Variants in CPQ observed in about 807,000 individuals in gnomAD.
The protein encoded by CPQ is Ser-Met dipeptidase.
CPQ carries 37 observed loss-of-function variants against 45.7 expected under a neutral mutation model. The ratio of observed to expected loss-of-function variants is 0.81; its 90% CI spans 0.62 to 1.07. The LOEUF is 1.07. CPQ is among the 50% of genes least tolerant of loss of function. CPQ has a pLI of 0.00. For missense variants in CPQ, 537 were observed against 572.9 expected (o/e 0.94, Z 0.64); for synonymous variants, 186 against 205.8 (o/e 0.90, Z 0.82).
intron 3 of CPQ, among the ~76,000 whole-genome samples, chr8:96,839,290 G>C (rs1037170546): frequency 2.0e-5 from 3 of 152,050 alleles, no homozygotes; most frequent in Non-Finnish European, 4.4e-5. Flanking sequence ...CTTGTTGTCA[G>C]CATCGTCTCC....
At chr8:96,739,894 G>A (rs1199346581) in intron 1 of CPQ, among the ~76,000 whole-genome samples, 1 of 152,130 alleles carries the variant, frequency 6.6e-6, no homozygotes, top group Non-Finnish European at 1.5e-5. Context: ...GTCAGGTAGT[G>A]TGATGCCTCC....
intron 5 of CPQ, among the ~76,000 whole-genome samples, chr8:96,972,598 A>G (rs1586474487): frequency 1.3e-5 from 2 of 152,160 alleles, no homozygotes; most frequent in African/African-American, 4.8e-5. Flanking sequence ...CACTCTAAAC[A>G]AAAACACAAC....
intron 7 of CPQ, among the ~76,000 whole-genome samples, chr8:97,142,503 A>T (rs892068440): frequency 2.0e-5 from 3 of 152,264 alleles, no homozygotes; most frequent in Admixed American, 1.3e-4. Flanking sequence ...TTTTGTAACC[A>T]GGAAGGTACA....
chr8:96,988,314 C>A (rs1337418964), intron 5 of CPQ, among the ~76,000 whole-genome samples: 1 of 152,098 alleles, frequency 6.6e-6, no homozygotes, highest in Admixed American at 6.6e-5. Context: ...TTTACAGAAG[C>A]CTTATTTCTA....
intron 1 of CPQ, among the ~76,000 whole-genome samples, chr8:96,745,124 A>G (rs1404817729): frequency 6.6e-6 from 1 of 152,158 alleles, no homozygotes; most frequent in East Asian, 1.9e-4. Flanking sequence ...CCTGACCAAC[A>G]TGGTGAAATC....
At chr8:97,080,975 G>C (rs1390258614) in intron 7 of CPQ, among the ~76,000 whole-genome samples, 1 of 76,476 alleles carries the variant, frequency 1.3e-5, no homozygotes, top group Non-Finnish European at 3.1e-5. Context: ...TTTTGTAATA[G>C]CTTGAATAGT....
intron 7 of CPQ, among the ~76,000 whole-genome samples, chr8:97,099,265 G>A (rs1251712534): frequency 6.6e-6 from 1 of 151,292 alleles, no homozygotes; most frequent in Non-Finnish European, 1.5e-5. Flanking sequence ...TGAGTAACTG[G>A]GACTACAGGC....
At chr8:96,912,134 T>C (rs1426857308) in intron 4 of CPQ, among the ~76,000 whole-genome samples, 1 of 152,250 alleles carries the variant, frequency 6.6e-6, no homozygotes, top group Non-Finnish European at 1.5e-5. Context: ...TGTGATGTTT[T>C]TCTCTTATTA....
intron 2 of CPQ, 45 bp from the exon 3 acceptor site, chr8:96,834,928 C>A: frequency 6.4e-7 from 1 of 1,560,864 alleles, no homozygotes. Context: ...TTCAACCCAG[C>A]TGATGGGAAA....
chr8:96,857,054 T>G (rs1454607710), intron 3 of CPQ, among the ~76,000 whole-genome samples: 6 of 152,172 alleles, frequency 3.9e-5, no homozygotes, highest in Non-Finnish European at 1.5e-5. Context: ...TTGTGTAGGT[T>G]GACAATGCCT....
intron 6 of CPQ, among the ~76,000 whole-genome samples, chr8:97,053,440 T>C (rs1810398007): frequency 6.6e-6 from 1 of 152,140 alleles, no homozygotes; most frequent in Non-Finnish European, 1.5e-5. Context: ...GGTGGTAATA[T>C]TTGGTTAAGA....
intron 7 of CPQ, among the ~76,000 whole-genome samples, chr8:97,087,267 A>G (rs1456393103): frequency 5.3e-5 from 8 of 152,168 alleles, no homozygotes; most frequent in Non-Finnish European, 1.5e-5. Context: ...TCCAATATCT[A>G]TGATAATGGA....
chr8:97,006,571 A>G (rs1586490902), intron 5 of CPQ, among the ~76,000 whole-genome samples: 1 of 152,242 alleles, frequency 6.6e-6, no homozygotes, highest in African/African-American at 2.4e-5. Flanking sequence ...CCAAATTGCA[A>G]ATCAGCCAAA....
At chr8:96,954,957 A>G (rs866709264) in intron 4 of CPQ, among the ~76,000 whole-genome samples, 34 of 152,306 alleles carry the variant, frequency 2.2e-4, no homozygotes, top group Middle Eastern at 3.4e-3. Context: ...ATAGTATTCC[A>G]TGATGTATAT....
rs117850174 is a variant in CPQ, at chr8:96,827,509, C to G, written c.434-7464C>G. Among the ~76,000 whole-genome samples, 128 of 152,240 alleles carry G rather than the reference C, an allele frequency of 8.4e-4. 2 individuals are homozygous for G. In the East Asian group the frequency reaches 0.018, roughly 22 times the overall value. On this transcript the variant is annotated intron_variant, in intron 2 of 7. Transcript: ENST00000220763. ...GGCTTGGTATTTACTGAAGTCATAT[C>G]CACTTTGTTTTATTCCTGGTAATTT...
At chr8:97,136,656 G>A (rs1812064847) in intron 7 of CPQ, among the ~76,000 whole-genome samples, 1 of 152,142 alleles carries the variant, frequency 6.6e-6, no homozygotes, top group African/African-American at 2.4e-5. Context: ...ACATGCTGAA[G>A]GATATGTCTT....
intron 1 of CPQ, among the ~76,000 whole-genome samples, chr8:96,730,439 C>A (rs1471197295): frequency 1.3e-5 from 2 of 151,930 alleles, no homozygotes; most frequent in African/African-American, 2.4e-5. Context: ...TGCAGAGGAC[C>A]AAGAGTCTTG....
At position 96,684,649 on chromosome 8, in the gene CPQ, A is replaced by C. The variant is rs541047144; in HGVS notation, c.-35+39247A>C. Reference sequence around the variant, plus strand: ...CTGTCTTCAGGCCCCTGGATGGAACATGTGGGTGCCAGTGGCAGCAAGAGG... The same window carrying C: ...CTGTCTTCAGGCCCCTGGATGGAACCTGTGGGTGCCAGTGGCAGCAAGAGG... On this transcript the variant is annotated intron_variant, in intron 1 of 7. Transcript: ENST00000220763. 5.9e-5 allele frequency among the ~76,000 whole-genome samples: 9 copies of C among 152,278 alleles called. No individual in the cohort carries two copies. In the South Asian group the frequency reaches 8.3e-4, roughly 14 times the overall value.
intron 5 of CPQ, among the ~76,000 whole-genome samples, chr8:97,014,303 C>T (rs1809541265): frequency 1.3e-5 from 2 of 152,006 alleles, no homozygotes; most frequent in African/African-American, 2.4e-5. Context: ...TCTTTGGGGG[C>T]TGAGAATAGA....
Sources: allele counts gnomAD v4.1 joint callset (sites outside exome capture counted in the v4.1 genomes callset), GRCh38; gene constraint gnomAD v4.1.1; transcripts MANE v1.5; gene names NCBI Gene and HGNC (gene_info 2026-07-23, HGNC 2026-07-21).